GNA12: variants seen among roughly 807,000 people sequenced by gnomAD.
The protein encoded by GNA12 is G protein subunit alpha 12.
GNA12 carries 9 observed loss-of-function variants against 26.0 expected under a neutral mutation model. That is an observed-to-expected ratio of 0.35 (90% confidence interval 0.21 to 0.60). GNA12 has a LOEUF of 0.60. Ranked by LOEUF, GNA12 falls within the 20% of genes least tolerant of loss-of-function variation. The pLI is 0.78. For synonymous variants in GNA12, 264 were observed against 219.6 expected (o/e 1.20, Z -1.79); for missense variants, 405 against 525.8 (o/e 0.77, Z 2.25).
intron 2 of GNA12, among the ~76,000 whole-genome samples, chr7:2,778,145 C>T (rs1182993134): frequency 1.3e-5 from 2 of 152,156 alleles, no homozygotes; most frequent in Non-Finnish European, 2.9e-5. Context: ...TAATACTGGT[C>T]TGCTAGAAGG....
At chr7:2,824,952 G>T (rs1636264) in intron 1 of GNA12, among the ~76,000 whole-genome samples, 49,010 of 151,924 alleles carry the variant, frequency 0.32, 8,198 homozygotes, top group African/African-American at 0.38. Context: ...TAAAGACAAG[G>T]GAGGAGGCCC....
intron 2 of GNA12, among the ~76,000 whole-genome samples, chr7:2,780,222 G>A (rs971805774): frequency 6.6e-6 from 1 of 151,282 alleles, no homozygotes; most frequent in African/African-American, 2.4e-5. Context: ...CTAACCGCTG[G>A]ACAATATTCT....
intron 1 of GNA12, among the ~76,000 whole-genome samples, chr7:2,803,086 G>C (rs376639233): frequency 1.7e-5 from 2 of 120,024 alleles, no homozygotes; most frequent in African/African-American, 6.0e-5. Context: ...AAAGTGGTGG[G>C]TAACGAATGG....
chr7:2,835,768 G>A (rs895320354), intron 1 of GNA12: 5 of 750,048 alleles, frequency 6.7e-6, no homozygotes, highest in South Asian at 2.8e-5. Context: ...ACTCCAAAAC[G>A]TAGAAGATGC....
rs371162784 is a variant in GNA12, at chr7:2,814,391, T to C, written c.310-19248A>G. The C allele has an allele frequency of 7.7e-6, 12 of 1,554,364 alleles. No homozygotes were observed. The African/African-American group carries it at 8.1e-5, about 11-fold the overall frequency. The stretch of plus-strand genomic sequence containing the variant: ...TCCATCTGGTGTGCTTCCCGAACCC[T>C]GCAAGTCAACATTTAAGAATTCCTA... On this transcript the variant is annotated intron_variant, in intron 1 of 3. Coordinates refer to ENST00000275364, the MANE Select transcript of GNA12 (RefSeq NM_007353.3).
intron 2 of GNA12, among the ~76,000 whole-genome samples, chr7:2,767,505 C>T (rs900017671): frequency 1.3e-5 from 2 of 152,176 alleles, no homozygotes; most frequent in African/African-American, 4.8e-5. Context: ...TTTCGATAGC[C>T]ACCTGGGGGC....
intron 2 of GNA12, among the ~76,000 whole-genome samples, chr7:2,791,825 C>T (rs1251932583): frequency 6.6e-6 from 1 of 152,190 alleles, no homozygotes; most frequent in East Asian, 1.9e-4. Flanking sequence ...CTATTAGGGT[C>T]CTACTATCTA....
At chr7:2,783,951 C>T (rs575477836) in intron 2 of GNA12, among the ~76,000 whole-genome samples, 5 of 152,174 alleles carry the variant, frequency 3.3e-5, no homozygotes, top group South Asian at 2.1e-4. Context: ...TCCCAAAGTG[C>T]TGGGATTACA....
intron 2 of GNA12, 124 bp downstream of exon 2, chr7:2,794,804 C>A: frequency 1.4e-6 from 1 of 721,358 alleles, no homozygotes; most frequent in Non-Finnish European, 2.4e-6. Flanking sequence ...ATCATTACAA[C>A]TTACGGTGAT....
intron 2 of GNA12, among the ~76,000 whole-genome samples, chr7:2,776,428 C>T (rs367961103): frequency 6.6e-6 from 1 of 152,192 alleles, no homozygotes; most frequent in Non-Finnish European, 1.5e-5. Context: ...CGGGCAGAGA[C>T]GCATCCTCCT....
intron 2 of GNA12, chr7:2,762,420 A>T: frequency 2.1e-6 from 1 of 484,604 alleles, no homozygotes; most frequent in East Asian, 3.5e-5. Context: ...TTAGACGTTA[A>T]CTTGGCCAAG....
In GNA12 at chr7:2,753,845, C is replaced by T. The variant is rs189970666; in HGVS notation, c.526-20344G>A. ...TGGGATATCTTTTTCTTCTGGGCAA[C>T]CTCCTCTTCTGGTTTAGGAACAATC... On this transcript the variant is annotated intron_variant, in intron 2 of 3. Transcript: ENST00000275364. Among the ~76,000 whole-genome samples, 31 of 152,216 alleles carry T rather than the reference C, an allele frequency of 2.0e-4. 1 individual carries two copies. The East Asian group carries it at 5.4e-3, about 27-fold the overall frequency.
At chr7:2,758,652 A>T (rs990817937) in intron 2 of GNA12, among the ~76,000 whole-genome samples, 1 of 152,202 alleles carries the variant, frequency 6.6e-6, no homozygotes, top group Non-Finnish European at 1.5e-5. Context: ...GGGGGCCCCC[A>T]CAGCACACTT....
chr7:2,797,613 C>T (rs1044017504), intron 1 of GNA12, among the ~76,000 whole-genome samples: 1 of 152,200 alleles, frequency 6.6e-6, no homozygotes, highest in African/African-American at 2.4e-5. Context: ...CTGCCTCCTT[C>T]ATCTCTCTCC....
At chr7:2,776,719 T>C (rs983226160) in intron 2 of GNA12, among the ~76,000 whole-genome samples, 1 of 152,198 alleles carries the variant, frequency 6.6e-6, no homozygotes, top group Non-Finnish European at 1.5e-5. Flanking sequence ...GCAGTGATCC[T>C]AGGACCAGGT....
intron 1 of GNA12, 30 bp from the exon 2 acceptor site, chr7:2,795,173 T>C (rs1299634623): frequency 2.0e-5 from 31 of 1,547,648 alleles, no homozygotes; most frequent in Non-Finnish European, 2.7e-5. Context: ...AGAGAGGATT[T>C]AATTGCATTC....
At chr7:2,765,821 G>A (rs920073590) in intron 2 of GNA12, among the ~76,000 whole-genome samples, 1 of 151,344 alleles carries the variant, frequency 6.6e-6, no homozygotes, top group African/African-American at 2.4e-5. Context: ...GTAGAGATGG[G>A]GATTTCACCA....
intron 2 of GNA12, among the ~76,000 whole-genome samples, chr7:2,750,978 A>T (rs1791006461): frequency 6.6e-6 from 1 of 152,230 alleles, no homozygotes; most frequent in Non-Finnish European, 1.5e-5. Flanking sequence ...AATCAAGAAG[A>T]ATTCACAATG....
At position 2,815,462 on chromosome 7, in the gene GNA12, T is replaced by G. The variant is rs141699453; in HGVS notation, c.310-20319A>C. Among the ~76,000 whole-genome samples, 80 of 152,116 alleles carry G rather than the reference T, an allele frequency of 5.3e-4. No individual in the cohort carries two copies. The East Asian group carries it at 0.012, about 23-fold the overall frequency. ...AGAGATGACTCAGCGCAGGTTGGAG[T>G]GCAGGGCTATATTGGCGGCCCAGGC... On this transcript the variant is annotated intron_variant, in intron 1 of 3. Coordinates refer to ENST00000275364, the MANE Select transcript of GNA12 (RefSeq NM_007353.3).
Sources: allele counts gnomAD v4.1 joint callset (sites outside exome capture counted in the v4.1 genomes callset), GRCh38; gene constraint gnomAD v4.1.1; transcripts MANE v1.5; gene names NCBI Gene and HGNC (gene_info 2026-07-23, HGNC 2026-07-21).